WDPCP: variants seen among roughly 807,000 people sequenced by gnomAD.
The protein encoded by WDPCP is WD repeat containing planar cell polarity effector.
Under a neutral mutation model 93.1 loss-of-function variants are expected in WDPCP, and 71 were observed. The observed-to-expected ratio is 0.76, with a 90% confidence interval of 0.63 to 0.93. The LOEUF (loss-of-function observed/expected upper bound fraction) is 0.93, where lower values mean the gene tolerates loss of function less well. Ranked by LOEUF, WDPCP falls within the 40% of genes least tolerant of loss-of-function variation. The pLI, the probability that WDPCP is intolerant of heterozygous loss-of-function variation, is 0.00. For synonymous variants in WDPCP, 315 were observed against 315.0 expected (o/e 1.00, Z 0.00); for missense variants, 844 against 887.4 (o/e 0.95, Z 0.62).
chr2:63,538,392 A>G (rs1008940844), intron 1 of WDPCP, among the ~76,000 whole-genome samples: 7 of 152,222 alleles, frequency 4.6e-5, no homozygotes, highest in Non-Finnish European at 1.0e-4. Flanking sequence ...AGTATCCCAC[A>G]GAATTAGAAT....
At chr2:63,560,331 C>T (rs1012416931) in intron 1 of WDPCP, among the ~76,000 whole-genome samples, 30 of 152,148 alleles carry the variant, frequency 2.0e-4, no homozygotes, top group African/African-American at 7.0e-4. Flanking sequence ...TCATGCTACC[C>T]GACCTCAAAC....
chr2:63,236,743 T>C (rs965646917), intron 14 of WDPCP, among the ~76,000 whole-genome samples: 6 of 152,104 alleles, frequency 3.9e-5, no homozygotes, highest in Non-Finnish European at 7.4e-5. Flanking sequence ...ACTCCCTATA[T>C]AATAAATGAT....
intron 1 of WDPCP, among the ~76,000 whole-genome samples, chr2:63,526,157 C>G (rs1197852929): frequency 3.3e-5 from 5 of 152,204 alleles, no homozygotes; most frequent in Non-Finnish European, 1.5e-5. Flanking sequence ...AAAGCCATAC[C>G]AGCCCTTCTA....
At chr2:63,300,630 T>C (rs1182587033) in intron 13 of WDPCP, among the ~76,000 whole-genome samples, 1 of 152,206 alleles carries the variant, frequency 6.6e-6, no homozygotes, top group Non-Finnish European at 1.5e-5. Flanking sequence ...ATATCTCTTA[T>C]CCTGTGTATG....
At chr2:63,262,585 T>C (rs1326065914) in intron 13 of WDPCP, among the ~76,000 whole-genome samples, 3 of 150,146 alleles carry the variant, frequency 2.0e-5, no homozygotes, top group Non-Finnish European at 4.4e-5. Flanking sequence ...AACATACCCA[T>C]ATATAGATGG....
chr2:63,436,011 G>A (rs1485250806), intron 8 of WDPCP, among the ~76,000 whole-genome samples: 1 of 151,902 alleles, frequency 6.6e-6, no homozygotes, highest in Non-Finnish European at 1.5e-5. Context: ...TCTGTTCTCA[G>A]GTAGCTACTA....
intron 2 of WDPCP, among the ~76,000 whole-genome samples, chr2:63,663,477 A>G (rs960882801): frequency 3.9e-5 from 6 of 152,234 alleles, no homozygotes; most frequent in Non-Finnish European, 7.3e-5. Flanking sequence ...GTTGGCTCCC[A>G]GCCTGACTCA....
At chr2:63,700,795 A>T (rs1350345278) in intron 2 of WDPCP, among the ~76,000 whole-genome samples, 1 of 152,188 alleles carries the variant, frequency 6.6e-6, no homozygotes, top group Non-Finnish European at 1.5e-5. Context: ...AATAAAAGGC[A>T]CTGAAAAAAC....
At chr2:63,403,636 G>A (rs1244254880) in intron 10 of WDPCP, 1 of 158,534 alleles carries the variant, frequency 6.3e-6, no homozygotes, top group African/African-American at 2.4e-5. Context: ...TCCAGTCTGG[G>A]AAGCAACAGA....
At chr2:63,128,852 G>A (rs563750933) in intron 17 of WDPCP, among the ~76,000 whole-genome samples, 1 of 152,256 alleles carries the variant, frequency 6.6e-6, no homozygotes, top group Admixed American at 6.5e-5. Context: ...ATTTTTATTA[G>A]AGATGGGGTT....
chr2:63,588,848 C>G, upstream of WDPCP: 1 of 664,240 alleles, frequency 1.5e-6, no homozygotes, highest in South Asian at 1.8e-5. Context: ...TAGTTCAACA[C>G]TTGAAGGAAA....
At chr2:63,528,574 A>G (rs968371032) in intron 1 of WDPCP, among the ~76,000 whole-genome samples, 6 of 152,086 alleles carry the variant, frequency 3.9e-5, no homozygotes, top group Admixed American at 1.3e-4. Context: ...CCATTGGTCT[A>G]TATCTCTGTT....
At chr2:63,391,341 G>C (rs1693228328) in intron 10 of WDPCP, among the ~76,000 whole-genome samples, 1 of 151,972 alleles carries the variant, frequency 6.6e-6, no homozygotes, top group African/African-American at 2.4e-5. Context: ...AAATTCAACA[G>C]CACTTCATGA....
intron 14 of WDPCP, among the ~76,000 whole-genome samples, chr2:63,246,073 G>C (rs146199735): frequency 1.7e-4 from 26 of 152,236 alleles, no homozygotes; most frequent in African/African-American, 5.1e-4. Context: ...CACTGTTTTT[G>C]TTACTGCCCC....
chr2:63,297,725 G>T (rs1275437697), intron 13 of WDPCP, among the ~76,000 whole-genome samples: 1 of 151,920 alleles, frequency 6.6e-6, no homozygotes, highest in East Asian at 1.9e-4. Flanking sequence ...TAATGCACAG[G>T]GTAGACCTAA....
chr2:63,582,040 T>TAAAAA (rs1001539002), intron 1 of WDPCP, among the ~76,000 whole-genome samples: 1 of 147,064 alleles, frequency 6.8e-6, no homozygotes, highest in South Asian at 2.2e-4. Context: ...TGACATTTAA[T>TAAAAA]AAAAAAAATT....
At chr2:63,242,792 T>C (rs557653469) in intron 14 of WDPCP, among the ~76,000 whole-genome samples, 1 of 152,266 alleles carries the variant, frequency 6.6e-6, no homozygotes, top group East Asian at 1.9e-4. Flanking sequence ...CAATGGGATA[T>C]GTACAGAAGT....
chr2:63,458,404 A>G (rs1698785445), intron 6 of WDPCP, among the ~76,000 whole-genome samples: 1 of 152,164 alleles, frequency 6.6e-6, no homozygotes, highest in African/African-American at 2.4e-5. Context: ...AAAAATCAGT[A>G]GTACACTGAT....
intron 13 of WDPCP, among the ~76,000 whole-genome samples, chr2:63,279,127 A>T (rs1176097825): frequency 2.0e-5 from 3 of 152,172 alleles, no homozygotes; most frequent in Admixed American, 2.0e-4. Context: ...TCCCTAAATC[A>T]TTCTATGAAA....
Sources: gnomAD v4.1 joint callset for allele counts (sites outside exome capture counted in the v4.1 genomes callset) on GRCh38, gnomAD v4.1.1 for gene constraint, MANE v1.5 for transcripts, NCBI Gene and HGNC (gene_info 2026-07-23, HGNC 2026-07-21) for gene names.